NAV3: variants seen among roughly 807,000 people sequenced by gnomAD.
NAV3 encodes pore membrane and/or filament interacting like protein 1.
In NAV3, 87 loss-of-function variants were observed where a neutral mutation model predicts 244.7. The observed-to-expected ratio is 0.36, with a 90% CI of 0.30 to 0.42. The LOEUF is 0.42. Ranked by LOEUF, NAV3 falls within the 20% of genes least tolerant of loss-of-function variation. The probability of loss-of-function intolerance (pLI) is 1.00; values close to 1 mark genes in which losing one functional copy is unlikely to be tolerated. For synonymous variants in NAV3, 1,126 were observed against 1,042.2 expected, an observed-to-expected ratio of 1.08 and a Z score of -1.55; for missense variants, 2,663 against 2,893.3, an observed-to-expected ratio of 0.92 and a Z score of 1.83.
At chr12:77,768,807 C>T (rs1450259581) in intron 2 of NAV3, among the ~76,000 whole-genome samples, 1 of 152,230 alleles carries the variant, frequency 6.6e-6, no homozygotes, top group African/African-American at 2.4e-5. Context: ...TGGTTCCTGC[C>T]AGCTCCATGG....
At chr12:77,642,888 A>AACTAATTTTATAAAAT (rs1314758339) in intron 2 of NAV3, among the ~76,000 whole-genome samples, 2 of 152,242 alleles carry the variant, frequency 1.3e-5, no homozygotes, top group Admixed American at 6.6e-5. Context: ...AATTTTAATA[A>AACTAATTTTATAAAAT]AACCTTATAA....
intron 2 of NAV3, among the ~76,000 whole-genome samples, chr12:77,731,743 T>C (rs1877135348): frequency 6.6e-6 from 1 of 151,966 alleles, no homozygotes; most frequent in Admixed American, 6.6e-5. Context: ...GCTGTTCTTA[T>C]TAAAAATCTT....
Position 78,038,746 on chromosome 12 carries a change from T to C in NAV3, c.2024-11247T>C, listed in dbSNP as rs116703986. On this transcript the variant is annotated intron_variant, in intron 9 of 39. Coordinates refer to ENST00000397909, the MANE Select transcript of NAV3 (RefSeq NM_001024383.2). ...TAATCTTTATGAAGCTTTTTCTTTT[T>C]TGGATCCTCTGAAACTGTAGAATCA... Among the ~76,000 whole-genome samples, 287 of 152,308 alleles carry C rather than the reference T, an allele frequency of 1.9e-3. 3 individuals are homozygous for C. Among genetic ancestry groups the C allele is most frequent in the African/African-American group, 6.5e-3 (270 of 41,592 alleles).
At chr12:77,620,971 G>T (rs1861888353) in intron 2 of NAV3, among the ~76,000 whole-genome samples, 1 of 152,226 alleles carries the variant, frequency 6.6e-6, no homozygotes, top group African/African-American at 2.4e-5. Context: ...ACAATGAGCA[G>T]ATGTGGTGGC....
chr12:77,645,508 G>T (rs1447594146), intron 2 of NAV3, among the ~76,000 whole-genome samples: 2 of 141,696 alleles, frequency 1.4e-5, no homozygotes, highest in African/African-American at 5.5e-5. Flanking sequence ...GGGCTTTCTT[G>T]GGGAATTCAT....
intron 1 of NAV3, among the ~76,000 whole-genome samples, chr12:77,918,694 A>G (rs1364956440): frequency 6.6e-6 from 1 of 152,044 alleles, no homozygotes; most frequent in Non-Finnish European, 1.5e-5. Context: ...CATTTGGTAC[A>G]GCTGGAATGA....
intron 1 of NAV3, among the ~76,000 whole-genome samples, chr12:77,873,541 A>C (rs972763215): frequency 4.6e-5 from 7 of 151,110 alleles, no homozygotes; most frequent in Admixed American, 4.6e-4. Context: ...CATTTCTGTT[A>C]TATGTAACTT....
chr12:78,006,496 G>T lies in NAV3; in HGVS notation c.958G>T (p.Ala320Ser), dbSNP rs768709093. 1.2e-6 allele frequency: 2 copies of T among 1,614,120 alleles called. No individual in the cohort carries two copies. The highest frequency in any genetic ancestry group is 2.2e-5 in the South Asian group (2 of 91,082). The change falls in exon 8 of 40, where the codon GCC becomes TCC. Residue 320 changes from alanine to serine, a missense_variant. Transcript: ENST00000397909. ...TCCCAGTACTGCTGGGCAGCCTCCTGCCTCTGCCATCCCTTCTCCAAGTGC... is the reference window on the plus strand; with the variant it reads ...TCCCAGTACTGCTGGGCAGCCTCCTTCCTCTGCCATCCCTTCTCCAAGTGC... ...QPPSTAGQPPASAIPSPSASK... is the reference protein window; with the variant it reads ...QPPSTAGQPPSSAIPSPSASK...
chr12:77,597,343 G>C (rs1263060295), intron 2 of NAV3, among the ~76,000 whole-genome samples: 2 of 152,022 alleles, frequency 1.3e-5, no homozygotes, highest in Non-Finnish European at 2.9e-5. Flanking sequence ...CTTGCTTCTA[G>C]GCCTGTCTCT....
intron 3 of NAV3, among the ~76,000 whole-genome samples, chr12:77,957,788 C>G (rs534163392): frequency 6.6e-6 from 1 of 152,088 alleles, no homozygotes; most frequent in East Asian, 1.9e-4. Flanking sequence ...CCTTAGCCTC[C>G]CTGGAGTAGC....
chr12:78,025,674 T>A (rs1198552856), intron 9 of NAV3, among the ~76,000 whole-genome samples: 4 of 149,012 alleles, frequency 2.7e-5, no homozygotes, highest in Non-Finnish European at 4.4e-5. Context: ...GGTGTTTGGA[T>A]CCCAGGGGCA....
chr12:77,625,249 CAT>C (rs1252344040), intron 2 of NAV3, among the ~76,000 whole-genome samples: 1 of 152,036 alleles, frequency 6.6e-6, no homozygotes, highest in Non-Finnish European at 1.5e-5. Flanking sequence ...CAGAGAATAA[CAT>C]GTTATATGTT....
In NAV3 at chr12:78,006,684, A is replaced by G. The variant is rs1874281202; in HGVS notation, c.1146A>G (p.Lys382=). 1 of 1,614,148 alleles carries G rather than the reference A, an allele frequency of 6.2e-7. No homozygotes were observed. The highest frequency in any genetic ancestry group is 1.3e-5 in the African/African-American group (1 of 75,030). ...TCAAAACTGCTCCCTCAGGACAGAA[A>G]TCCATGCTTGAGAAATTCAAGCTAG... ...EGVKTAPSGQ[K]SMLEKFKLVN... Residue 382 remains lysine, a synonymous_variant, in exon 8 of 40, where the codon AAA becomes AAG. Coordinates refer to ENST00000397909, the MANE Select transcript of NAV3 (RefSeq NM_001024383.2).
intron 2 of NAV3, among the ~76,000 whole-genome samples, chr12:77,819,256 T>G (rs1284734317): frequency 6.6e-6 from 1 of 151,972 alleles, no homozygotes; most frequent in African/African-American, 2.4e-5. Context: ...ACGTTTACCC[T>G]TCACTCATCC....
At chr12:77,998,786 A>G (rs1241183796) in intron 7 of NAV3, among the ~76,000 whole-genome samples, 1 of 152,224 alleles carries the variant, frequency 6.6e-6, no homozygotes, top group African/African-American at 2.4e-5. Context: ...TTGAAAATGT[A>G]TCCTGAAATC....
rs373317373 is a variant in NAV3 at position 78,168,842 on chromosome 12, A to G, written c.4957A>G (p.Asn1653Asp). ...AAQAAIQGAL[N>D]GPDHPPKDLR... ...CCAGGCGGCTATTCAGGGAGCACTG[A>G]ATGGTCCAGACCATCCTCCCAAAGG... Residue 1653 changes from asparagine (N) to aspartate (D), a missense_variant, in exon 24 of 40, where the codon AAT becomes GAT. This residue lies in a region of NAV3 where 193 missense variants were observed against 200.7 expected (regional missense o/e 0.96). Coordinates refer to ENST00000397909, the MANE Select transcript of NAV3 (RefSeq NM_001024383.2). 2 of 1,609,900 alleles carry G rather than the reference A, an allele frequency of 1.2e-6. No individual in the cohort carries two copies. Among genetic ancestry groups the G allele is most frequent in the Admixed American group, 1.7e-5 (1 of 59,678 alleles).
chr12:77,780,635 G>A (rs1169559288), intron 2 of NAV3, among the ~76,000 whole-genome samples: 1 of 152,026 alleles, frequency 6.6e-6, no homozygotes, highest in East Asian at 1.9e-4. Flanking sequence ...TAGGCTCCTG[G>A]GTCCCCAACC....
At chr12:78,115,686 T>G (rs576356651) in intron 12 of NAV3, among the ~76,000 whole-genome samples, 24 of 152,288 alleles carry the variant, frequency 1.6e-4, no homozygotes, top group African/African-American at 5.3e-4. Flanking sequence ...TCCTGTACAT[T>G]TTCATTGTTC....
At chr12:77,725,129 A>T (rs965693462) in intron 2 of NAV3, among the ~76,000 whole-genome samples, 4 of 152,014 alleles carry the variant, frequency 2.6e-5, no homozygotes, top group Admixed American at 2.6e-4. Context: ...ACTGGTATTA[A>T]ACTTTTTTCC....
Sources: gnomAD v4.1 joint callset for allele counts (sites outside exome capture counted in the v4.1 genomes callset) on GRCh38, gnomAD v4.1.1 for gene constraint, gnomAD v4.1.1 regional missense constraint, MANE v1.5 for transcripts, NCBI Gene and HGNC (gene_info 2026-07-23, HGNC 2026-07-21) for gene names.